AJAP1: variants seen among roughly 807,000 people sequenced by gnomAD.
AJAP1 encodes the protein adherens junction-associated protein 1.
Under a neutral mutation model 35.0 loss-of-function variants are expected in AJAP1, and 5 were observed. The ratio of observed to expected loss-of-function variants is 0.14; its 90% confidence interval spans 0.07 to 0.30. AJAP1 has a LOEUF of 0.30. Ranked by LOEUF, AJAP1 falls within the 10% of genes least tolerant of loss-of-function variation. The probability of loss-of-function intolerance (pLI) is 1.00; values close to 1 mark genes in which losing one functional copy is unlikely to be tolerated. For synonymous variants in AJAP1, 284 were observed against 249.3 expected (o/e 1.14, Z -1.31); for missense variants, 586 against 571.0 (o/e 1.03, Z -0.27).
At chr1:4,695,961 G>T (rs1026541328) in intron 1 of AJAP1, among the ~76,000 whole-genome samples, 3 of 152,076 alleles carry the variant, frequency 2.0e-5, no homozygotes, top group South Asian at 2.1e-4. Context: ...TCGTACTGGG[G>T]GGTTCATCAA....
intron 2 of AJAP1, among the ~76,000 whole-genome samples, chr1:4,744,520 C>G (rs925907467): frequency 1.3e-5 from 2 of 152,164 alleles, no homozygotes; most frequent in African/African-American, 4.8e-5. Flanking sequence ...GACCTGCTCA[C>G]GTGCACACAC....
intron 1 of AJAP1, among the ~76,000 whole-genome samples, chr1:4,657,773 C>T (rs1638913840): frequency 1.3e-5 from 2 of 151,240 alleles, no homozygotes; most frequent in South Asian, 4.2e-4. Context: ...GAAGTCTGGG[C>T]TTGGTTATTT....
rs1642111405 is a variant in AJAP1 at position 4,783,555 on chromosome 1, GTATATATATGTTTGTGTATA to G, written c.*1077_*1096del. 1 of 141,250 alleles carries G rather than the reference GTATATATATGTTTGTGTATA, an allele frequency of 7.1e-6. No individual in the cohort carries two copies. Among genetic ancestry groups the G allele is most frequent in the African/African-American group, 2.6e-5 (1 of 38,188 alleles). The allele number at this position is 141,250 out of a possible 1,614,324, so 8.7% of individuals were successfully genotyped here. On this transcript the variant is annotated 3_prime_UTR_variant, in exon 6 of 6. Transcript: ENST00000378191. ...TATATATATATATATGTTTGTGTGTGTATATATATGTTTGTGTATATATATACACATATGCATACATATGA... is the reference window on the plus strand; with the variant it reads ...TATATATATATATATGTTTGTGTGTGTATATACACATATGCATACATATGA...
Position 4,772,579 on chromosome 1 carries a change from C to T in AJAP1, c.1163+54C>T. The T allele has an allele frequency of 3.1e-6, 5 of 1,592,854 alleles. No homozygotes were observed. In the South Asian group the frequency reaches 3.4e-5, roughly 11 times the overall value. Reference sequence around the variant, plus strand: ...GCTGTGAAGCTCTTGGTGCTCCTGACCCCCGGGGGCCGGTGTGGCTGAGCT... The same window carrying T: ...GCTGTGAAGCTCTTGGTGCTCCTGATCCCCGGGGGCCGGTGTGGCTGAGCT... On this transcript the variant is annotated intron_variant, in intron 4 of 5. Coordinates refer to ENST00000378191, the MANE Select transcript of AJAP1 (RefSeq NM_018836.4).
At chr1:4,725,131 G>A (rs1293356789) in intron 2 of AJAP1, among the ~76,000 whole-genome samples, 1 of 152,232 alleles carries the variant, frequency 6.6e-6, no homozygotes, top group Non-Finnish European at 1.5e-5. Flanking sequence ...AGGCTTGCTG[G>A]TCCCTGGGTG....
chr1:4,680,503 G>T (rs1035839351), intron 1 of AJAP1, among the ~76,000 whole-genome samples: 6 of 152,176 alleles, frequency 3.9e-5, no homozygotes, highest in African/African-American at 1.4e-4. Flanking sequence ...CTGGGTAGGG[G>T]TTGGGTTATG....
chr1:4,734,463 G>T lies in AJAP1; in HGVS notation c.829+21764G>T, dbSNP rs1362144410. Among the ~76,000 whole-genome samples, 1 of 152,194 alleles carries T rather than the reference G, an allele frequency of 6.6e-6. No homozygotes were observed. The highest frequency in any genetic ancestry group is 1.5e-5 in the Non-Finnish European group (1 of 68,038). On this transcript the variant is annotated intron_variant, in intron 2 of 5. Coordinates refer to ENST00000378191, the MANE Select transcript of AJAP1 (RefSeq NM_018836.4). This position sits in a 1 kb window ranked among gnomAD's most constrained non-coding sequence, Gnocchi z 4.3. The stretch of plus-strand genomic sequence containing the variant: ...GGTCACACAGCCTGAAGGGGGTGGA[G>T]TCAGGATTCAAACCTAGGTTCCAGG...
rs556502167 is a variant in AJAP1, at chr1:4,707,889, G to A, written c.30-4011G>A. Among the ~76,000 whole-genome samples, 7 of 150,470 alleles carry A rather than the reference G, an allele frequency of 4.7e-5. No homozygotes were observed. In the East Asian group the frequency reaches 9.9e-4, roughly 21 times the overall value. ...AGCATACTAGGTCTCTCATCTCCTC[G>A]TGTCCTCGCCAGCACTTCATGTTCT... On this transcript the variant is annotated intron_variant, in intron 1 of 5. Coordinates refer to ENST00000378191, the MANE Select transcript of AJAP1 (RefSeq NM_018836.4).
intron 2 of AJAP1, among the ~76,000 whole-genome samples, chr1:4,754,914 C>T (rs534965887): frequency 1.2e-4 from 18 of 152,336 alleles, no homozygotes; most frequent in Non-Finnish European, 2.1e-4. Context: ...ACTCCCTGGG[C>T]CTTTCATGTC....
chr1:4,770,755 AAG>A (rs1229216120), intron 3 of AJAP1, among the ~76,000 whole-genome samples: 1 of 152,196 alleles, frequency 6.6e-6, no homozygotes, highest in Non-Finnish European at 1.5e-5. Context: ...GAACACAAGA[AAG>A]AGAGAGAAAA....
intron 1 of AJAP1, among the ~76,000 whole-genome samples, chr1:4,659,189 T>A (rs1638947375): frequency 6.6e-6 from 1 of 151,950 alleles, no homozygotes; most frequent in African/African-American, 2.4e-5. Context: ...TATATAAGAG[T>A]CATCTGTTTT....
At chr1:4,683,123 C>A (rs781333483) in intron 1 of AJAP1, among the ~76,000 whole-genome samples, 2 of 152,204 alleles carry the variant, frequency 1.3e-5, no homozygotes, top group Admixed American at 1.3e-4. Context: ...TGGACTCTTA[C>A]CTGCTGTGTA....
chr1:4,670,658 C>T (rs935562058), intron 1 of AJAP1, among the ~76,000 whole-genome samples: 5 of 152,228 alleles, frequency 3.3e-5, no homozygotes, highest in African/African-American at 9.6e-5. Context: ...CACTCCAGTG[C>T]CCAGGTTGTC....
Position 4,693,570 on chromosome 1 carries a change from GA to G in AJAP1, c.30-18329del, listed in dbSNP as rs139096487. ...CATCAGGGGACTGGGAGCGGGAGGGGAGGAAGAGTTGCCAGCTCATGTCAGA... is the reference window on the plus strand; with the variant it reads ...CATCAGGGGACTGGGAGCGGGAGGGGGGAAGAGTTGCCAGCTCATGTCAGA... On this transcript the variant is annotated intron_variant, in intron 1 of 5. Transcript: ENST00000378191. This position sits in a 1 kb window ranked among gnomAD's most constrained non-coding sequence, Gnocchi z 4.4. Among the ~76,000 whole-genome samples, 48 of 152,352 alleles carry G rather than the reference GA, an allele frequency of 3.2e-4. No homozygotes were observed. Among genetic ancestry groups the G allele is most frequent in the Non-Finnish European group, 5.0e-4 (34 of 68,032 alleles).
At chr1:4,724,124 T>TC (rs551336436) in intron 2 of AJAP1, among the ~76,000 whole-genome samples, 283 of 152,312 alleles carry the variant, frequency 1.9e-3, no homozygotes, top group Non-Finnish European at 2.5e-3. Context: ...CTGGGTGGCC[T>TC]CCCCAGGCTG....
In AJAP1 at chr1:4,790,867, G is replaced by T. The variant is rs1367172419; in HGVS notation, c.*8382G>T. 1 of 152,216 alleles carries T rather than the reference G, an allele frequency of 6.6e-6. No homozygotes were observed. The highest frequency in any genetic ancestry group is 6.5e-5 in the Admixed American group (1 of 15,288). 9.4% of individuals were successfully genotyped at this position (152,216 alleles called of 1,614,324 possible). A position where few individuals can be genotyped will look rare whatever the true frequency, so the allele number is the denominator to read the frequency against. The stretch of plus-strand genomic sequence containing the variant: ...AAACATTGAGATTTGGCAGAAACAT[G>T]TGCCTAGTTTGCAGCACCAAATACT... On this transcript the variant is annotated 3_prime_UTR_variant, in exon 6 of 6. Transcript: ENST00000378191.
intron 1 of AJAP1, among the ~76,000 whole-genome samples, chr1:4,660,585 C>G (rs150173528): frequency 6.6e-5 from 10 of 152,280 alleles, no homozygotes; most frequent in Admixed American, 2.6e-4. Flanking sequence ...CTCTACTAAT[C>G]TGTCAGAGAT....
At chr1:4,762,161 A>G (rs1181272928) in intron 2 of AJAP1, among the ~76,000 whole-genome samples, 1 of 152,248 alleles carries the variant, frequency 6.6e-6, no homozygotes, top group Non-Finnish European at 1.5e-5. Context: ...AACGCTGCGC[A>G]GGACAGCAGT....
chr1:4,712,318 GC>G lies in AJAP1; in HGVS notation c.451del (p.Leu151SerfsTer2). ...AVAGGAPEQQ[A>X]LLRRGKRHLQ... ...GGCCGGTGGGGCCCCGGAGCAGCAG[GC>G]CCTCCTGAGGAGGGGCAAGAGGCAC... On this transcript the variant is annotated frameshift_variant, in exon 2 of 6. Coordinates refer to ENST00000378191, the MANE Select transcript of AJAP1 (RefSeq NM_018836.4). LOFTEE classifies it high-confidence loss of function. 1 of 1,487,714 alleles carries G rather than the reference GC, an allele frequency of 6.7e-7. No individual in the cohort carries two copies. The highest frequency in any genetic ancestry group is 1.4e-5 in the South Asian group (1 of 71,770). The allele number at this position is 1,487,714 out of a possible 1,614,324, so 92.2% of individuals were successfully genotyped here.
Sources: gnomAD v4.1 joint callset for allele counts (sites outside exome capture counted in the v4.1 genomes callset) on GRCh38, gnomAD v4.1.1 for gene constraint, Gnocchi (gnomAD v3.1) non-coding constraint, MANE v1.5 for transcripts, NCBI Gene and HGNC (gene_info 2026-07-23, HGNC 2026-07-21) for gene names.